Variants in CNTN4 observed in about 807,000 individuals in gnomAD.
CNTN4 encodes the protein contactin 4, also known as contactin-4.
Under a neutral mutation model 122.5 loss-of-function variants are expected in CNTN4, and 77 were observed. The ratio of observed to expected loss-of-function variants is 0.63; its 90% CI spans 0.52 to 0.76. The LOEUF is 0.76. Among genes scored for constraint, CNTN4 ranks in the 30% least tolerant of loss-of-function variants. The probability of loss-of-function intolerance (pLI) is 0.00; values close to 1 mark genes in which losing one functional copy is unlikely to be tolerated. For synonymous variants in CNTN4, 512 were observed against 447.0 expected (o/e 1.15, Z -1.83); for missense variants, 1,256 against 1,259.1 (o/e 1.00, Z 0.04).
chr3:2,777,167 C>G (rs1324750772), intron 6 of CNTN4, among the ~76,000 whole-genome samples: 1 of 152,040 alleles, frequency 6.6e-6, no homozygotes, highest in African/African-American at 2.4e-5. Flanking sequence ...ATTTAAGGAT[C>G]CTTTGTGCTT....
In CNTN4 at chr3:3,030,893, A is replaced by T; in HGVS notation, c.1701A>T (p.Gln567His). ...SAGDLMIRNI[Q>H]LKHAGKYVCM... Reference sequence around the variant, plus strand: ...GTGATTTGATGATCCGAAACATCCAACTGAAGCATGCTGGGAAATATGTCT... The same window carrying T: ...GTGATTTGATGATCCGAAACATCCATCTGAAGCATGCTGGGAAATATGTCT... The change falls in exon 16 of 25, where the codon CAA becomes CAT. Residue 567 changes from glutamine to histidine, a missense_variant. Transcript: ENST00000418658. The T allele has an allele frequency of 6.2e-7, 1 of 1,614,068 alleles. No homozygotes were observed. The highest frequency in any genetic ancestry group is 1.7e-5 in the Admixed American group (1 of 60,022).
At chr3:2,475,708 C>T (rs1158264269) in intron 3 of CNTN4, among the ~76,000 whole-genome samples, 1 of 152,102 alleles carries the variant, frequency 6.6e-6, no homozygotes, top group African/African-American at 2.4e-5. Context: ...CCTATATTAA[C>T]AACAGTAATG....
At chr3:2,453,403 C>T (rs1240350687) in intron 3 of CNTN4, among the ~76,000 whole-genome samples, 1 of 152,112 alleles carries the variant, frequency 6.6e-6, no homozygotes, top group Non-Finnish European at 1.5e-5. Context: ...CAGCGAAAAT[C>T]TCGAAAAGCA....
At chr3:2,733,661 G>A (rs1576605799) in intron 4 of CNTN4, among the ~76,000 whole-genome samples, 1 of 151,592 alleles carries the variant, frequency 6.6e-6, no homozygotes, top group East Asian at 2.0e-4. Context: ...AGCCTCCCGA[G>A]TGGCTGGGAT....
chr3:2,126,650 A>T (rs1431413220), intron 2 of CNTN4, among the ~76,000 whole-genome samples: 1 of 152,198 alleles, frequency 6.6e-6, no homozygotes, highest in African/African-American at 2.4e-5. Flanking sequence ...GTAATTTGAT[A>T]TACAAAATGG....
intron 2 of CNTN4, among the ~76,000 whole-genome samples, chr3:2,122,801 A>G (rs4685481): frequency 6.6e-5 from 10 of 152,298 alleles, no homozygotes; most frequent in Admixed American, 5.9e-4. Flanking sequence ...ATCTGTCAAC[A>G]TTTGCAACTT....
chr3:2,683,503 A>C (rs999531575), intron 4 of CNTN4, among the ~76,000 whole-genome samples: 1 of 152,158 alleles, frequency 6.6e-6, no homozygotes, highest in Non-Finnish European at 1.5e-5. Flanking sequence ...TTGAAGTTGA[A>C]ATGAGTTAAT....
At chr3:2,668,199 C>G (rs1198150722) in intron 4 of CNTN4, among the ~76,000 whole-genome samples, 1 of 152,158 alleles carries the variant, frequency 6.6e-6, no homozygotes, top group Non-Finnish European at 1.5e-5. Flanking sequence ...ACCATTTTCA[C>G]AATATTGATT....
intron 4 of CNTN4, among the ~76,000 whole-genome samples, chr3:2,689,447 A>C (rs1315288645): frequency 2.6e-5 from 4 of 152,136 alleles, no homozygotes; most frequent in Non-Finnish European, 5.9e-5. Flanking sequence ...CCTGACTCCC[A>C]CAGAACCACA....
At chr3:2,477,391 A>C (rs1254685424) in intron 3 of CNTN4, among the ~76,000 whole-genome samples, 1 of 152,224 alleles carries the variant, frequency 6.6e-6, no homozygotes, top group Non-Finnish European at 1.5e-5. Context: ...ATAAAACTCC[A>C]TGCTTCCCAT....
At chr3:2,749,941 T>C (rs2090008563) in intron 6 of CNTN4, among the ~76,000 whole-genome samples, 1 of 152,214 alleles carries the variant, frequency 6.6e-6, no homozygotes, top group African/African-American at 2.4e-5. Flanking sequence ...ACTCCACGTA[T>C]TGTCATACTC....
intron 10 of CNTN4, among the ~76,000 whole-genome samples, chr3:2,888,452 C>G (rs1413104174): frequency 6.6e-6 from 1 of 151,952 alleles, no homozygotes; most frequent in Non-Finnish European, 1.5e-5. Flanking sequence ...ATGGTTCTGT[C>G]ATTCTAGGGA....
chr3:2,898,043 A>C (rs2094134259), intron 10 of CNTN4, among the ~76,000 whole-genome samples: 1 of 152,154 alleles, frequency 6.6e-6, no homozygotes, highest in African/African-American at 2.4e-5. Context: ...TACATGAGTC[A>C]TTTTCATCAA....
chr3:2,634,653 A>AC (rs1208221427), intron 4 of CNTN4, among the ~76,000 whole-genome samples: 1 of 145,948 alleles, frequency 6.9e-6, no homozygotes, highest in African/African-American at 2.5e-5. Flanking sequence ...ACACGGTGAA[A>AC]CCCCATCTCT....
intron 4 of CNTN4, among the ~76,000 whole-genome samples, chr3:2,590,149 C>A (rs2080397716): frequency 6.6e-6 from 1 of 152,180 alleles, no homozygotes; most frequent in Non-Finnish European, 1.5e-5. Context: ...GGTTGGTCTT[C>A]CCTCATCTTC....
intron 2 of CNTN4, among the ~76,000 whole-genome samples, chr3:2,115,564 A>C (rs776716757): frequency 4.3e-4 from 66 of 152,246 alleles, no homozygotes; most frequent in Non-Finnish European, 1.3e-4. Context: ...TGGAAAATTC[A>C]TCCTCTTAAA....
chr3:2,826,841 A>G (rs947724195), intron 7 of CNTN4, among the ~76,000 whole-genome samples: 11 of 152,110 alleles, frequency 7.2e-5, no homozygotes, highest in African/African-American at 2.7e-4. Context: ...TCCACATTCA[A>G]TACCTTATTC....
In CNTN4 at chr3:2,183,312, T is replaced by C. The variant is rs144384937; in HGVS notation, c.-145+82673T>C. ...GTTCAACTGACAAAGCAAGGCACAATTTATCATGTAGGAATGTACTTCACG... is the reference window on the plus strand; with the variant it reads ...GTTCAACTGACAAAGCAAGGCACAACTTATCATGTAGGAATGTACTTCACG... On this transcript the variant is annotated intron_variant, in intron 2 of 24. Transcript: ENST00000418658. Among the ~76,000 whole-genome samples, 51 of 152,276 alleles carry C rather than the reference T, an allele frequency of 3.3e-4. 2 individuals are homozygous for C. In the East Asian group the frequency reaches 9.7e-3, roughly 29 times the overall value.
chr3:2,239,028 C>T (rs1474261378), intron 2 of CNTN4: 2 of 152,002 alleles, frequency 1.3e-5, no homozygotes, highest in African/African-American at 4.8e-5. Context: ...CCCGGCCTGG[C>T]TCTGTTTTTA....
Sources: allele counts gnomAD v4.1 joint callset (sites outside exome capture counted in the v4.1 genomes callset), GRCh38; gene constraint gnomAD v4.1.1; transcripts MANE v1.5; gene names NCBI Gene and HGNC (gene_info 2026-07-23, HGNC 2026-07-21).